The following CLN3 variants were observed in gnomAD, a reference collection of about 807,000 sequenced individuals.
CLN3 encodes battenin.
Under a neutral mutation model 60.7 loss-of-function variants are expected in CLN3, and 49 were observed. That is an observed-to-expected ratio of 0.81 (90% CI 0.64 to 1.02). The LOEUF (loss-of-function observed/expected upper bound fraction) is 1.02. Among genes scored for constraint, CLN3 ranks in the 50% least tolerant of loss-of-function variants. The probability of loss-of-function intolerance (pLI) is 0.00; values close to 1 mark genes in which losing one functional copy is unlikely to be tolerated. For synonymous variants in CLN3, 256 were observed against 245.8 expected (o/e 1.04, Z -0.39); for missense variants, 516 against 557.4 (o/e 0.93, Z 0.75).
At chr16:28,487,604 C>T (rs1404636161) in intron 6 of CLN3, 58 bp downstream of exon 6, 13 of 1,596,596 alleles carry the variant, frequency 8.1e-6, no homozygotes, top group Admixed American at 1.7e-5. Context: ...TCTCAGCCAT[C>T]CCAGCCTCCC....
At chr16:28,467,049 AAGAAC>A in the CLN3 span, 1 of 262,704 alleles carries the variant, frequency 3.8e-6, no homozygotes, top group African/African-American at 4.3e-5. Context: ...TGCTACAAAA[AAGAAC>A]AGAAGTTAGA....
In CLN3 at chr16:28,484,037, G is replaced by A. The variant is rs772274552; in HGVS notation, c.759C>T (p.Leu253=). The change falls in exon 10 of 16, where the codon CTC becomes CTT. Residue 253 remains leucine (L), a synonymous_variant. Coordinates refer to ENST00000636147, the MANE Select transcript of CLN3 (RefSeq NM_001042432.2). The part of the protein sequence containing the change: ...EEAESAARQP[L]IRTEAPESKP... ...TCGACTCCGGGGCCTCGGTTCTTAT[G>A]AGGGGCTGCCGGGCTGCGCTCTCTG... The A allele has an allele frequency of 1.2e-6, 2 of 1,611,952 alleles. No individual in the cohort carries two copies. The highest frequency in any genetic ancestry group is 1.7e-6 in the Non-Finnish European group (2 of 1,179,140).
Position 28,487,528 on chromosome 16 carries a change from C to CT in CLN3, c.387_388insA (p.Val130SerfsTer30). On this transcript the variant is annotated frameshift_variant, in exon 7 of 16. Coordinates refer to ENST00000636147, the MANE Select transcript of CLN3 (RefSeq NM_001042432.2). LOFTEE classifies it high-confidence loss of function. The stretch of plus-strand genomic sequence containing the variant: ...CTTCCAGCAGCACAAATCCCACTGA[C>CT]GAGAACCCGGGGGCTGAGGGGGTGA... 2.5e-6 allele frequency: 4 copies of CT among 1,613,818 alleles called. No homozygotes were observed. The highest frequency in any genetic ancestry group is 3.4e-6 in the Non-Finnish European group (4 of 1,179,908).
At chr16:28,487,872 G>T in intron 5 of CLN3, 131 bp from the exon 6 acceptor site, 2 of 730,178 alleles carry the variant, frequency 2.7e-6, no homozygotes, top group Admixed American at 4.0e-5. Context: ...AGGCACGCCT[G>T]GGTTCAAGTC....
downstream of CLN3, among the ~76,000 whole-genome samples, chr16:28,471,880 G>A (rs570678299): frequency 6.6e-6 from 1 of 152,222 alleles, no homozygotes; most frequent in South Asian, 2.1e-4. Context: ...GGATGTCCAA[G>A]GAATCTGTGC....
intron 10 of CLN3, 63 bp downstream of exon 10, chr16:28,483,941 CAG>C: frequency 8.7e-7 from 1 of 1,153,908 alleles, no homozygotes; most frequent in Non-Finnish European, 1.3e-6. Flanking sequence ...TTGCCTATTG[CAG>C]AGAGGAAAAG....
intron 11 of CLN3, 37 bp from the exon 12 acceptor site, chr16:28,482,582 G>A (rs898262403): frequency 6.2e-7 from 1 of 1,613,964 alleles, no homozygotes; most frequent in Non-Finnish European, 8.5e-7. Flanking sequence ...GGGGCCTGGA[G>A]GTGAGCAAGC....
chr16:28,473,932 A>G (rs1030280031), downstream of CLN3, among the ~76,000 whole-genome samples: 3 of 152,146 alleles, frequency 2.0e-5, no homozygotes, highest in Admixed American at 2.0e-4. Flanking sequence ...AAAGGCTATA[A>G]TAAAAACCAA....
Position 28,482,332 on chromosome 16 carries a change from G to A in CLN3, c.957C>T (p.Tyr319=), listed in dbSNP as rs1289584115. The stretch of plus-strand genomic sequence containing the variant: ...ACTGCCCTCGCTCCTCTTACCAGCG[G>A]TATTGCTGAGCGTGACTCAGGGAAG... ...WNTSLSHAQQ[Y]RWYQMLYQAG... The change falls in exon 13 of 16, where the codon TAC becomes TAT. Residue 319 remains tyrosine (Y), a synonymous_variant. Transcript: ENST00000636147. 3 of 1,613,658 alleles carry A rather than the reference G, an allele frequency of 1.9e-6. No homozygotes were observed. Among genetic ancestry groups the A allele is most frequent in the Non-Finnish European group, 1.7e-6 (2 of 1,179,904 alleles).
In CLN3 at chr16:28,491,698, G is replaced by T. The variant is rs777237220; in HGVS notation, c.46+16C>A. 2.5e-6 allele frequency: 4 copies of T among 1,614,164 alleles called. No individual in the cohort carries two copies. The highest frequency in any genetic ancestry group is 3.4e-6 in the Non-Finnish European group (4 of 1,180,028). Reference sequence around the variant, plus strand: ...CCAGAGGTGGTCGTTCCATGAGGGTGGGCGGGAATACTCACCCTCGGAATC... The same window carrying T: ...CCAGAGGTGGTCGTTCCATGAGGGTTGGCGGGAATACTCACCCTCGGAATC... On this transcript the variant is annotated intron_variant, in intron 2 of 15. Transcript: ENST00000636147.
At chr16:28,468,745 T>G in the CLN3 span, among the ~76,000 whole-genome samples, 1 of 121,044 alleles carries the variant, frequency 8.3e-6, no homozygotes, top group Non-Finnish European at 1.9e-5. Flanking sequence ...AGGCAGAGGT[T>G]GCAGTGAGCC....
intron 14 of CLN3, chr16:28,479,637 G>A (rs1370918175): frequency 3.8e-5 from 6 of 159,494 alleles, no homozygotes; most frequent in South Asian, 1.4e-4. Context: ...TGGGCGTGGT[G>A]GCGCACCTGT....
chr16:28,484,950 GT>G (rs777076484), intron 9 of CLN3: 3,923 of 139,414 alleles, frequency 0.028, 72 homozygotes, highest in Middle Eastern at 0.095. Flanking sequence ...CAAAGTGTGT[GT>G]TTTTTTTTTT....
At chr16:28,475,123 G>A (rs2045980681), downstream of CLN3, among the ~76,000 whole-genome samples, 1 of 152,084 alleles carries the variant, frequency 6.6e-6, no homozygotes, top group South Asian at 2.1e-4. Flanking sequence ...GGTGGTGCGT[G>A]CCTGCAGTCT....
chr16:28,472,408 A>G (rs2045957499), downstream of CLN3, among the ~76,000 whole-genome samples: 1 of 152,188 alleles, frequency 6.6e-6, no homozygotes, highest in African/African-American at 2.4e-5. Flanking sequence ...AAATAAAAGT[A>G]AAAATAAAGT....
chr16:28,482,019 G>T, intron 14 of CLN3, 86 bp downstream of exon 14: 2 of 943,234 alleles, frequency 2.1e-6, no homozygotes, highest in Non-Finnish European at 3.3e-6. Context: ...ACTTCCCACT[G>T]ATAGTGGGAA....
At chr16:28,482,036 G>T in intron 14 of CLN3, 69 bp downstream of exon 14, 1 of 1,194,278 alleles carries the variant, frequency 8.4e-7, no homozygotes, top group Non-Finnish European at 1.2e-6. Context: ...GGAAGCAGGG[G>T]GTTTGGGGAA....
intron 1 of CLN3, 82 bp from the exon 2 acceptor site, chr16:28,491,917 C>G (rs2046321610): frequency 2.1e-6 from 2 of 966,534 alleles, no homozygotes; most frequent in East Asian, 2.6e-5. Context: ...CGCGATCCAT[C>G]AAGGAAGCTG....
chr16:28,490,565 C>T (rs2046297104), intron 3 of CLN3: 1 of 151,316 alleles, frequency 6.6e-6, no homozygotes, highest in Admixed American at 6.6e-5. Flanking sequence ...TCGAGACCAT[C>T]CTGGATAACG....
Sources: allele counts gnomAD v4.1 joint callset (sites outside exome capture counted in the v4.1 genomes callset), GRCh38; gene constraint gnomAD v4.1.1; transcripts MANE v1.5; gene names NCBI Gene and HGNC (gene_info 2026-07-23, HGNC 2026-07-21).